TOX: variants seen among roughly 807,000 people sequenced by gnomAD.
TOX encodes the protein thymocyte selection associated high mobility group box, also known as thymocyte selection-associated high mobility group box protein TOX.
A neutral mutation model predicts 53.7 loss-of-function variants in TOX; 11 were observed. The observed-to-expected ratio is 0.20, with a 90% CI of 0.13 to 0.34. TOX has a LOEUF of 0.34. Among genes scored for constraint, TOX ranks in the 10% least tolerant of loss-of-function variants. TOX has a pLI of 1.00. For missense variants in TOX, 570 were observed against 664.6 expected (o/e 0.86, Z 1.56); for synonymous variants, 225 against 245.3 (o/e 0.92, Z 0.77).
In TOX at chr8:59,072,104, T is replaced by C. The variant is rs569715241; in HGVS notation, c.102+46782A>G. Reference sequence around the variant, plus strand: ...TCCTAGGGACCAGCAAGATTACACATTACAGGTGTTCAGGTAAATGTTTGT... The same window carrying C: ...TCCTAGGGACCAGCAAGATTACACACTACAGGTGTTCAGGTAAATGTTTGT... On this transcript the variant is annotated intron_variant, in intron 1 of 8. Coordinates refer to ENST00000361421, the MANE Select transcript of TOX (RefSeq NM_014729.3). 2.6e-4 allele frequency among the ~76,000 whole-genome samples: 40 copies of C among 152,298 alleles called. No homozygotes were observed. In the South Asian group the frequency reaches 7.7e-3, roughly 29 times the overall value.
chr8:58,937,285 C>A (rs1812361477), intron 3 of TOX, among the ~76,000 whole-genome samples: 1 of 152,198 alleles, frequency 6.6e-6, no homozygotes, highest in South Asian at 2.1e-4. Context: ...CTATACCCTG[C>A]AAAGTGTTGA....
chr8:58,969,408 T>C (rs1372710258), intron 1 of TOX, among the ~76,000 whole-genome samples: 1 of 152,234 alleles, frequency 6.6e-6, no homozygotes, highest in Non-Finnish European at 1.5e-5. Flanking sequence ...TTAAGGAATC[T>C]GAGAAGTCTT....
intron 2 of TOX, among the ~76,000 whole-genome samples, chr8:58,951,168 T>C (rs1415592761): frequency 6.6e-6 from 1 of 152,182 alleles, no homozygotes; most frequent in Non-Finnish European, 1.5e-5. Context: ...GCCTTAGACC[T>C]TCCAAGGTCA....
intron 3 of TOX, among the ~76,000 whole-genome samples, chr8:58,903,977 T>C (rs564573677): frequency 2.0e-5 from 3 of 152,342 alleles, no homozygotes; most frequent in South Asian, 4.1e-4. Context: ...AGAGGTTAGA[T>C]GAGCAAACAC....
At chr8:58,939,843 C>G (rs1478494407) in intron 2 of TOX, among the ~76,000 whole-genome samples, 3 of 152,148 alleles carry the variant, frequency 2.0e-5, no homozygotes, top group Non-Finnish European at 4.4e-5. Flanking sequence ...TTTAATCTAG[C>G]TGAATACCTC....
At chr8:59,052,702 T>C (rs1033113758) in intron 1 of TOX, among the ~76,000 whole-genome samples, 7 of 152,190 alleles carry the variant, frequency 4.6e-5, no homozygotes, top group Admixed American at 4.6e-4. Context: ...TGGGTGACAC[T>C]GGGCAAATTG....
intron 2 of TOX, among the ~76,000 whole-genome samples, chr8:58,959,364 TA>T (rs1327997704): frequency 6.6e-6 from 1 of 152,222 alleles, no homozygotes; most frequent in Non-Finnish European, 1.5e-5. Context: ...TTCTCATGAT[TA>T]AATACCTTGT....
intron 2 of TOX, among the ~76,000 whole-genome samples, chr8:58,942,355 TG>T (rs1452422840): frequency 6.6e-6 from 1 of 152,226 alleles, no homozygotes; most frequent in Non-Finnish European, 1.5e-5. Flanking sequence ...TACACATTAA[TG>T]TATTTAATTC....
At chr8:58,905,768 G>T (rs544740188) in intron 3 of TOX, among the ~76,000 whole-genome samples, 1 of 152,210 alleles carries the variant, frequency 6.6e-6, no homozygotes, top group South Asian at 2.1e-4. Flanking sequence ...TTACAATTTG[G>T]ATTCCCTTTT....
intron 2 of TOX, among the ~76,000 whole-genome samples, chr8:58,944,925 G>A (rs1251987320): frequency 2.6e-5 from 4 of 152,118 alleles, no homozygotes; most frequent in East Asian, 1.9e-4. Context: ...GTGTAAACCC[G>A]TTCATACCTA....
At chr8:58,827,788 A>G (rs778219824) in intron 5 of TOX, among the ~76,000 whole-genome samples, 1 of 152,206 alleles carries the variant, frequency 6.6e-6, no homozygotes, top group Non-Finnish European at 1.5e-5. Flanking sequence ...TTGAAAATGA[A>G]AGATTAGCAA....
At chr8:59,007,329 A>C (rs889383089) in intron 1 of TOX, among the ~76,000 whole-genome samples, 1 of 152,132 alleles carries the variant, frequency 6.6e-6, no homozygotes, top group African/African-American at 2.4e-5. Context: ...AACTCTGGGA[A>C]TATGTCTAAA....
chr8:59,103,929 G>A (rs1424174629), intron 1 of TOX, among the ~76,000 whole-genome samples: 1 of 152,104 alleles, frequency 6.6e-6, no homozygotes, highest in Non-Finnish European at 1.5e-5. Context: ...GCTAATGTCT[G>A]GGCTTATCAA....
chr8:58,998,034 C>T (rs952494183), intron 1 of TOX, among the ~76,000 whole-genome samples: 20 of 152,030 alleles, frequency 1.3e-4, no homozygotes, highest in African/African-American at 3.9e-4. Flanking sequence ...CCTCGTGATC[C>T]GCCCGCCTCG....
At chr8:59,033,235 C>A (rs1814392839) in intron 1 of TOX, among the ~76,000 whole-genome samples, 1 of 152,190 alleles carries the variant, frequency 6.6e-6, no homozygotes, top group Non-Finnish European at 1.5e-5. Flanking sequence ...TCCCCAAATT[C>A]TTTGACACTC....
intron 1 of TOX, among the ~76,000 whole-genome samples, chr8:59,005,576 T>C (rs1813776415): frequency 6.6e-6 from 1 of 152,192 alleles, no homozygotes; most frequent in Non-Finnish European, 1.5e-5. Context: ...GTAAGAGTTA[T>C]CACCATAAAA....
chr8:58,831,494 C>T lies in TOX; in HGVS notation c.925-4592G>A, dbSNP rs188370216. 2.4e-4 allele frequency among the ~76,000 whole-genome samples: 37 copies of T among 152,212 alleles called. 2 individuals carry two copies. Among genetic ancestry groups the T allele is most frequent in the African/African-American group, 8.7e-4 (36 of 41,542 alleles). Reference sequence around the variant, plus strand: ...GGCATAATGAATATGGGATAATCCCCGTTTTGCAGATAAGAAAACAGACTA... The same window carrying T: ...GGCATAATGAATATGGGATAATCCCTGTTTTGCAGATAAGAAAACAGACTA... On this transcript the variant is annotated intron_variant, in intron 5 of 8. Coordinates refer to ENST00000361421, the MANE Select transcript of TOX (RefSeq NM_014729.3).
chr8:58,952,211 G>A (rs950555365), intron 2 of TOX, among the ~76,000 whole-genome samples: 2 of 152,108 alleles, frequency 1.3e-5, no homozygotes, highest in African/African-American at 2.4e-5. Flanking sequence ...TAGTAAAAAT[G>A]GGCAAAACTG....
chr8:58,987,577 G>A (rs1316878246), intron 1 of TOX, among the ~76,000 whole-genome samples: 2 of 152,214 alleles, frequency 1.3e-5, no homozygotes, highest in Non-Finnish European at 2.9e-5. Context: ...GGAGCCGGAA[G>A]AGTCTTTGAA....
Sources: allele counts gnomAD v4.1 joint callset (sites outside exome capture counted in the v4.1 genomes callset), GRCh38; gene constraint gnomAD v4.1.1; transcripts MANE v1.5; gene names NCBI Gene and HGNC (gene_info 2026-07-23, HGNC 2026-07-21).